Variants in PKD1L1 observed in about 807,000 individuals in gnomAD.
The protein encoded by PKD1L1 is polycystin-1-like protein 1.
PKD1L1 carries 236 observed loss-of-function variants against 323.4 expected under a neutral mutation model. That is an observed-to-expected ratio of 0.73 (90% confidence interval 0.66 to 0.81). The LOEUF is 0.81. PKD1L1 is among the 40% of genes least tolerant of loss of function. The pLI, the probability that PKD1L1 is intolerant of heterozygous loss-of-function variation, is 0.00. For synonymous variants in PKD1L1, 1,344 were observed against 1,335.0 expected (o/e 1.01, Z -0.15); for missense variants, 3,320 against 3,508.0 (o/e 0.95, Z 1.35).
intron 16 of PKD1L1, among the ~76,000 whole-genome samples, chr7:47,888,605 G>A (rs1562974659): frequency 1.3e-5 from 2 of 152,324 alleles, no homozygotes; most frequent in African/African-American, 4.8e-5. Context: ...CCCCGTGGCC[G>A]TCCACCTTTG....
intron 28 of PKD1L1, among the ~76,000 whole-genome samples, chr7:47,857,258 G>A (rs1785925312): frequency 6.6e-6 from 1 of 152,196 alleles, no homozygotes; most frequent in Admixed American, 6.5e-5. Flanking sequence ...CTAAAGACAC[G>A]ATTGGCCAGA....
chr7:47,782,327 TC>T (rs1028923896), intron 56 of PKD1L1, among the ~76,000 whole-genome samples: 4 of 151,102 alleles, frequency 2.6e-5, no homozygotes, highest in African/African-American at 4.9e-5. Flanking sequence ...AGGATGTTGG[TC>T]AAAAAAAAAC....
At chr7:47,821,014 G>T in intron 46 of PKD1L1, 62 bp downstream of exon 46, 1 of 980,436 alleles carries the variant, frequency 1.0e-6, no homozygotes, top group South Asian at 1.4e-5. Flanking sequence ...TGGGGAAGGT[G>T]CACACAGGCT....
intron 42 of PKD1L1, among the ~76,000 whole-genome samples, chr7:47,830,638 C>T (rs1785327928): frequency 6.6e-6 from 1 of 152,162 alleles, no homozygotes; most frequent in Non-Finnish European, 1.5e-5. Context: ...AGTGATTCAA[C>T]ATCTACAGTT....
chr7:47,823,510 A>C (rs1182066618), intron 45 of PKD1L1, among the ~76,000 whole-genome samples: 17 of 152,190 alleles, frequency 1.1e-4, no homozygotes, highest in Admixed American at 1.1e-3. Flanking sequence ...CCAGGGTGAT[A>C]TCAACATACT....
In PKD1L1 at chr7:47,819,954, A is replaced by G. The variant is rs80279956; in HGVS notation, c.6965+1122T>C. The G allele has an allele frequency of 1.6e-3, 354 of 219,802 alleles. 8 individuals are homozygous for G. In the East Asian group the frequency reaches 0.057, roughly 36 times the overall value. 13.6% of individuals were successfully genotyped at this position (219,802 alleles called of 1,614,324 possible). On this transcript the variant is annotated intron_variant, in intron 46 of 56. Coordinates refer to ENST00000289672, the MANE Select transcript of PKD1L1 (RefSeq NM_138295.5). ...ACAAACACACTGATAGAGTTGCTGC[A>G]TAAATGTGTCTTTAAATATTCACCA... is the stretch of plus-strand genomic sequence containing the variant.
chr7:47,910,062 A>G (rs1003362590), intron 8 of PKD1L1, among the ~76,000 whole-genome samples: 1 of 152,202 alleles, frequency 6.6e-6, no homozygotes, highest in African/African-American at 2.4e-5. Context: ...ATTTTCTTAC[A>G]ATACTGCTCC....
In PKD1L1 at chr7:47,880,774, T is replaced by C. The variant is rs781201829; in HGVS notation, c.3474A>G (p.Pro1158=). The part of the protein sequence containing the change: ...GITEQTVTIK[P]YSLSSGETYV... ...ACGTCTCTCCACTGCTCAGAGAGTA[T>C]GGCTTGATTGTCACTGTCTGTTCTG... The change falls in exon 21 of 57, where the codon CCA becomes CCG. Residue 1158 remains proline, a synonymous_variant. Coordinates refer to ENST00000289672, the MANE Select transcript of PKD1L1 (RefSeq NM_138295.5). 3 of 1,608,456 alleles carry C rather than the reference T, an allele frequency of 1.9e-6. No individual in the cohort carries two copies. The highest frequency in any genetic ancestry group is 1.7e-5 in the Admixed American group (1 of 59,686).
At chr7:47,897,202 C>T (rs1173181660) in intron 14 of PKD1L1, among the ~76,000 whole-genome samples, 2 of 152,202 alleles carry the variant, frequency 1.3e-5, no homozygotes, top group East Asian at 1.9e-4. Flanking sequence ...AGTTTGGGTG[C>T]CGAGGAGCTT....
intron 52 of PKD1L1, among the ~76,000 whole-genome samples, chr7:47,803,938 C>T (rs372387688): frequency 2.0e-4 from 31 of 152,296 alleles, no homozygotes; most frequent in East Asian, 1.5e-3. Context: ...CTTATGGACT[C>T]GTCCACATTC....
intron 5 of PKD1L1, 80 bp downstream of exon 5, chr7:47,931,856 C>A (rs199651713): frequency 2.0e-6 from 3 of 1,489,394 alleles, no homozygotes; most frequent in African/African-American, 1.4e-5. Flanking sequence ...CGCCTACATA[C>A]GGGTGAGTCT....
chr7:47,943,475 A>T lies in PKD1L1; in HGVS notation c.81T>A (p.Gly27=). Residue 27 remains glycine (G), a synonymous_variant, in exon 2 of 57, where the codon GGT becomes GGA. Transcript: ENST00000289672. ...LQAACCLSFG[G]ELSVSTDKSW... is the part of the protein sequence containing the mutation. ...TCTTGTCAGTGCTCACAGACAGCTCACCACCAAAGGAAAGGCAGCAGGCAG... is the reference window on the plus strand; with the variant it reads ...TCTTGTCAGTGCTCACAGACAGCTCTCCACCAAAGGAAAGGCAGCAGGCAG... 1 of 1,613,240 alleles carries T rather than the reference A, an allele frequency of 6.2e-7. No homozygotes were observed. The highest frequency in any genetic ancestry group is 1.1e-5 in the South Asian group (1 of 91,078).
At chr7:47,925,947 C>G (rs1787649743) in intron 7 of PKD1L1, among the ~76,000 whole-genome samples, 1 of 152,118 alleles carries the variant, frequency 6.6e-6, no homozygotes, top group Non-Finnish European at 1.5e-5. Context: ...ATCATACAAG[C>G]AACATGTAAA....
At position 47,813,195 on chromosome 7, in the gene PKD1L1, G is replaced by A. The variant is rs754079098; in HGVS notation, c.7272C>T (p.Asn2424=). The A allele has an allele frequency of 1.2e-6, 2 of 1,614,194 alleles. No individual in the cohort carries two copies. Among genetic ancestry groups the A allele is most frequent in the East Asian group, 2.2e-5 (1 of 44,888 alleles). Residue 2424 remains asparagine (N), a synonymous_variant, in exon 49 of 57, where the codon AAC becomes AAT. Coordinates refer to ENST00000289672, the MANE Select transcript of PKD1L1 (RefSeq NM_138295.5). ...CAGGACCATTCAGGGTCACGTTTTGGTTCTCTGGGTCTATCAGGTAGGGGT... is the reference window on the plus strand; with the variant it reads ...CAGGACCATTCAGGGTCACGTTTTGATTCTCTGGGTCTATCAGGTAGGGGT... ...PENPYLIDPE[N]QNVTLNGPGG...
intron 14 of PKD1L1, 72 bp downstream of exon 14, chr7:47,897,916 G>T: frequency 2.4e-6 from 3 of 1,254,498 alleles, no homozygotes; most frequent in South Asian, 1.8e-5. Flanking sequence ...TCCAAATGCT[G>T]AGCTCTTGCT....
At chr7:47,787,797 G>C (rs191468267) in intron 56 of PKD1L1, among the ~76,000 whole-genome samples, 117 of 152,182 alleles carry the variant, frequency 7.7e-4, no homozygotes, top group Middle Eastern at 3.4e-3. Context: ...CTGCAGCCTT[G>C]ACCTCCTGAG....
intron 7 of PKD1L1, among the ~76,000 whole-genome samples, chr7:47,917,986 G>C (rs763584890): frequency 6.6e-6 from 1 of 152,036 alleles, no homozygotes; most frequent in Non-Finnish European, 1.5e-5. Context: ...CTCACATCTC[G>C]ATACTAACGT....
chr7:47,876,967 A>G (rs1378878012), intron 22 of PKD1L1, among the ~76,000 whole-genome samples: 1 of 152,022 alleles, frequency 6.6e-6, no homozygotes, highest in African/African-American at 2.4e-5. Context: ...TTTAGTAGAG[A>G]TGGGGTTTCA....
intron 1 of PKD1L1, among the ~76,000 whole-genome samples, chr7:47,944,445 A>G (rs1488326437): frequency 6.6e-6 from 1 of 152,232 alleles, no homozygotes; most frequent in Non-Finnish European, 1.5e-5. Flanking sequence ...ATTTCTTTAT[A>G]GCAATGCAAG....
Sources: gnomAD v4.1 joint callset for allele counts (sites outside exome capture counted in the v4.1 genomes callset) on GRCh38, gnomAD v4.1.1 for gene constraint, MANE v1.5 for transcripts, NCBI Gene and HGNC (gene_info 2026-07-23, HGNC 2026-07-21) for gene names.